PHC1: variants seen among roughly 807,000 people sequenced by gnomAD.
PHC1 encodes polyhomeotic-like protein 1.
Under a neutral mutation model 104.3 loss-of-function variants are expected in PHC1, and 12 were observed. The ratio of observed to expected loss-of-function variants is 0.12; its 90% CI spans 0.07 to 0.19. The LOEUF is 0.19. PHC1 is among the 10% of genes least tolerant of loss of function. The probability of loss-of-function intolerance (pLI) is 1.00; values close to 1 mark genes in which losing one functional copy is unlikely to be tolerated. For synonymous variants in PHC1, 302 were observed against 455.8 expected (o/e 0.66, Z 4.30); for missense variants, 671 against 1,200.0 (o/e 0.56, Z 6.51).
intron 8 of PHC1, chr12:8,933,632 C>G: frequency 1.7e-6 from 1 of 601,828 alleles, no homozygotes; most frequent in Admixed American, 3.2e-5. Flanking sequence ...CTTGGTTGGT[C>G]TACGTGAATA....
intron 13 of PHC1, 84 bp from the exon 14 acceptor site, chr12:8,937,745 G>A (rs1165158560): frequency 1.7e-5 from 17 of 1,028,626 alleles, no homozygotes; most frequent in Admixed American, 1.1e-4. Context: ...TTTCTTCTAC[G>A]CCCAACCCAG....
chr12:8,934,065 T>A, intron 9 of PHC1, 53 bp downstream of exon 9: 1 of 1,584,120 alleles, frequency 6.3e-7, no homozygotes, highest in Non-Finnish European at 8.7e-7. Context: ...AGAGGAATGT[T>A]CTGAGTGAGC....
At chr12:8,936,243 A>T (rs2137131453) in intron 11 of PHC1, among the ~76,000 whole-genome samples, 1 of 152,264 alleles carries the variant, frequency 6.6e-6, no homozygotes, top group East Asian at 1.9e-4. Context: ...TTAACTGGGC[A>T]TTGTGGCACA....
chr12:8,914,194 C>T (rs1352473695), upstream of PHC1, among the ~76,000 whole-genome samples: 1 of 152,110 alleles, frequency 6.6e-6, no homozygotes, highest in Admixed American at 6.5e-5. Flanking sequence ...CCTCCCTTCT[C>T]CCATCTCCCT....
Position 8,919,758 on chromosome 12 carries a change from T to C in PHC1, c.117T>C (p.Ala39=). The change falls in exon 3 of 15, where the codon GCT becomes GCC. Residue 39 remains alanine, a splice_region_variant and synonymous_variant. Coordinates refer to ENST00000544916, the MANE Select transcript of PHC1 (RefSeq NM_004426.3). The surrounding 1 kb of genome is among the most constrained non-coding windows in gnomAD (Gnocchi z 4.9). ...TGTTTTATCCTCTCTTTTCCTAGGC[T>C]CTGCAAGCACTGCAGCGGCAGCCCA... The part of the protein sequence containing the change: ...MSLYERQAVQ[A]LQALQRQPNA... 1 of 1,612,102 alleles carries C rather than the reference T, an allele frequency of 6.2e-7. No individual in the cohort carries two copies. The highest frequency in any genetic ancestry group is 1.3e-5 in the African/African-American group (1 of 75,004).
chr12:8,937,942 G>A lies in PHC1; in HGVS notation c.2742G>A (p.Gly914=), dbSNP rs1945886910. 6.2e-7 allele frequency: 1 copy of A among 1,602,410 alleles called. No individual in the cohort carries two copies. The highest frequency in any genetic ancestry group is 1.3e-5 in the African/African-American group (1 of 74,832). Residue 914 remains glycine, a synonymous_variant, in exon 14 of 15, where the codon GGG becomes GGA. Coordinates refer to ENST00000544916, the MANE Select transcript of PHC1 (RefSeq NM_004426.3). ...CTGGGCATGGAGAACGTGACCTGGG[G>A]AATCCCAATACAGCTCCACCTACAC... ...VRAGHGERDL[G]NPNTAPPTPE...
At position 8,919,980 on chromosome 12, in the gene PHC1, C is replaced by T; in HGVS notation, c.225+114C>T. Reference sequence around the variant, plus strand: ...TACTAAGCCAGGCTGCAGACAGCCTCCTCCGCCTCCTGTCCTTCTGTGGGA... The same window carrying T: ...TACTAAGCCAGGCTGCAGACAGCCTTCTCCGCCTCCTGTCCTTCTGTGGGA... On this transcript the variant is annotated intron_variant, in intron 3 of 14. Transcript: ENST00000544916. This position sits in a 1 kb window ranked among gnomAD's most constrained non-coding sequence, Gnocchi z 4.9. 1 of 1,453,704 alleles carries T rather than the reference C, an allele frequency of 6.9e-7. No individual in the cohort carries two copies. Among genetic ancestry groups the T allele is most frequent in the Non-Finnish European group, 9.4e-7 (1 of 1,067,584 alleles). The allele number at this position is 1,453,704 out of a possible 1,614,324, so 90.1% of individuals were successfully genotyped here.
At position 8,936,951 on chromosome 12, in the gene PHC1, A is replaced by T. The variant is rs1265525736; in HGVS notation, c.2464A>T (p.Thr822Ser). Reference sequence around the variant, plus strand: ...TGGCTCTAAGAGGTTCTGCTCCATGACTTGCGCTAAGAGGTACTCTGGGCA... The same window carrying T: ...TGGCTCTAAGAGGTTCTGCTCCATGTCTTGCGCTAAGAGGTACTCTGGGCA... ...FRGSKRFCSM[T>S]CAKRYNVSCS... The change falls in exon 12 of 15, where the codon ACT becomes TCT. Residue 822 changes from threonine (T) to serine (S), a missense_variant. Transcript: ENST00000544916. The T allele has an allele frequency of 6.2e-7, 1 of 1,609,360 alleles. No individual in the cohort carries two copies. The highest frequency in any genetic ancestry group is 1.7e-5 in the Admixed American group (1 of 59,932).
At chr12:8,929,811 C>T (rs568573764) in intron 6 of PHC1, among the ~76,000 whole-genome samples, 23 of 152,290 alleles carry the variant, frequency 1.5e-4, no homozygotes, top group Admixed American at 3.3e-4. Context: ...TGAGTCATAG[C>T]GCCCAGCCTA....
chr12:8,928,860 A>G (rs1224387202), intron 6 of PHC1, among the ~76,000 whole-genome samples: 1 of 152,190 alleles, frequency 6.6e-6, no homozygotes, highest in Non-Finnish European at 1.5e-5. Context: ...TGTTGCAGTC[A>G]TTGGAGTTTA....
At chr12:8,923,502 A>G (rs1945422584) in intron 6 of PHC1, among the ~76,000 whole-genome samples, 2 of 152,148 alleles carry the variant, frequency 1.3e-5, no homozygotes, top group Non-Finnish European at 2.9e-5. Flanking sequence ...TCTGGCTTCC[A>G]CATCTGCAGA....
At chr12:8,924,552 T>G (rs1190259623) in intron 6 of PHC1, among the ~76,000 whole-genome samples, 1 of 152,220 alleles carries the variant, frequency 6.6e-6, no homozygotes, top group Non-Finnish European at 1.5e-5. Context: ...ATTGGTTACA[T>G]TACTTTGCAA....
Position 8,917,676 on chromosome 12 carries a change from T to A in PHC1, c.-2T>A, listed in dbSNP as rs1273025064. 1 of 1,517,238 alleles carries A rather than the reference T, an allele frequency of 6.6e-7. No individual in the cohort carries two copies. The highest frequency in any genetic ancestry group is 1.3e-5 in the South Asian group (1 of 79,694). The allele number at this position is 1,517,238 out of a possible 1,614,324, so 94.0% of individuals were successfully genotyped here. A position where few individuals can be genotyped will look rare whatever the true frequency, so the allele number is the denominator to read the frequency against. ...CAGCCTTGGGGACCCTGGACCACTATCATGGAGACTGAGAGCGAGCAGAAC... is the reference window on the plus strand; with the variant it reads ...CAGCCTTGGGGACCCTGGACCACTAACATGGAGACTGAGAGCGAGCAGAAC... On this transcript the variant is annotated 5_prime_UTR_variant, in exon 2 of 15. Transcript: ENST00000544916.
At chr12:8,920,953 T>G in intron 3 of PHC1, 32 bp from the exon 4 acceptor site, 2 of 1,499,208 alleles carry the variant, frequency 1.3e-6, no homozygotes, top group Non-Finnish European at 9.2e-7. Flanking sequence ...TCACTGTCTT[T>G]GCTATTTCTT....
chr12:8,934,310 C>G lies in PHC1; in HGVS notation c.2085C>G (p.Ser695Arg). 6.2e-7 allele frequency: 1 copy of G among 1,614,138 alleles called. No individual in the cohort carries two copies. The highest frequency in any genetic ancestry group is 8.5e-7 in the Non-Finnish European group (1 of 1,180,006). ...CTAATGTGAATGCTAATACTCCAAG[C>G]AGTGAACTAGTAGCCTTGACCCCCG... ...SVANVNANTP[S>R]SELVALTPAP... is the part of the protein sequence containing the mutation. Residue 695 changes from serine (S) to arginine (R), a missense_variant, in exon 10 of 15, where the codon AGC (serine) becomes AGG (arginine). Ser to Arg is a moderately radical substitution (Grantham distance 110). Transcript: ENST00000544916.
chr12:8,921,422 G>A (rs1252938042), intron 4 of PHC1, among the ~76,000 whole-genome samples, 179 bp from the exon 5 acceptor site: 4 of 152,002 alleles, frequency 2.6e-5, no homozygotes, highest in South Asian at 2.1e-4. Flanking sequence ...TTTCACTTTG[G>A]TAATACCCTA....
rs1945781700 is a variant in PHC1, at chr12:8,934,590, T to G, written c.2253+112T>G. ...CAGAACTATTTAATGAAAGAATGGT[T>G]CAATTACGCTATTTATTTAATTATA... On this transcript the variant is annotated intron_variant, in intron 10 of 14. Transcript: ENST00000544916. 6 of 670,210 alleles carry G rather than the reference T, an allele frequency of 9.0e-6. No individual in the cohort carries two copies. The East Asian group carries it at 1.6e-4, about 18-fold the overall frequency. The allele number at this position is 670,210 out of a possible 1,614,324, so 41.5% of individuals were successfully genotyped here.
At position 8,919,870 on chromosome 12, in the gene PHC1, A is replaced by G. The variant is rs1489591958; in HGVS notation, c.225+4A>G. 1 of 1,594,182 alleles carries G rather than the reference A, an allele frequency of 6.3e-7. No individual in the cohort carries two copies. Among genetic ancestry groups the G allele is most frequent in the Non-Finnish European group, 8.6e-7 (1 of 1,168,656 alleles). ...TAGCCTGGCTGCCGTCCAGCAGGTG[A>G]GAGGTCAGCAGCCAGCTGGCCCGAG... On this transcript the variant is annotated splice_donor_region_variant and intron_variant, in intron 3 of 14. Transcript: ENST00000544916. This position sits in a 1 kb window ranked among gnomAD's most constrained non-coding sequence, Gnocchi z 4.9.
intron 6 of PHC1, among the ~76,000 whole-genome samples, chr12:8,928,850 T>C (rs1177277041): frequency 1.3e-5 from 2 of 152,374 alleles, no homozygotes; most frequent in Non-Finnish European, 1.5e-5. Flanking sequence ...CCATTTGTTT[T>C]GTTGCAGTCA....
Sources: allele counts gnomAD v4.1 joint callset (sites outside exome capture counted in the v4.1 genomes callset), GRCh38; gene constraint gnomAD v4.1.1; non-coding constraint Gnocchi (gnomAD v3.1); transcripts MANE v1.5; gene names NCBI Gene and HGNC (gene_info 2026-07-23, HGNC 2026-07-21).